Variants in STAG2 observed in about 807,000 individuals in gnomAD.
STAG2 encodes the protein cohesin subunit SA-2.
In STAG2, 14 loss-of-function variants were observed where a neutral mutation model predicts 108.1. That is an observed-to-expected ratio of 0.13 (90% confidence interval 0.09 to 0.20). The LOEUF (loss-of-function observed/expected upper bound fraction) is 0.20, where lower values mean the gene tolerates loss of function less well. Ranked by LOEUF, STAG2 falls within the 10% of genes least tolerant of loss-of-function variation. The pLI, the probability that STAG2 is intolerant of heterozygous loss-of-function variation, is 1.00. For missense variants in STAG2, 440 were observed against 940.9 expected (o/e 0.47, Z 6.96); for synonymous variants, 307 against 302.7 (o/e 1.01, Z -0.15).
intron 4 of STAG2, among the ~76,000 whole-genome samples, chrX:124,028,825 T>TA (rs2057209275): frequency 1.4e-5 from 1 of 71,862 alleles, no homozygotes; most frequent in African/African-American, 4.8e-5. Flanking sequence ...TATATATATT[T>TA]TTTTTTTTAT....
Position 123,971,541 on chromosome X carries a change from G to A in STAG2, c.-163+9685G>A, listed in dbSNP as rs5958363. Among the ~76,000 whole-genome samples the A allele has an allele frequency of 3.5e-3, 394 of 112,086 alleles. 1 individual carries two copies. Among genetic ancestry groups the A allele is most frequent in the African/African-American group, 0.012 (365 of 30,868 alleles). ...CTTTTACCCTTTTGGGGGAGTTTTT[G>A]TTGGTACATGGTCAATAGTAAAAAG... On this transcript the variant is annotated intron_variant, in intron 1 of 34. Transcript: ENST00000371145.
At chrX:123,973,058 A>G (rs1035234541) in intron 1 of STAG2, among the ~76,000 whole-genome samples, 5 of 107,442 alleles carry the variant, frequency 4.7e-5, no homozygotes, top group African/African-American at 1.7e-4. Flanking sequence ...CAAAAGAGAA[A>G]AAAAACAGTA....
intron 5 of STAG2, among the ~76,000 whole-genome samples, chrX:124,034,719 A>G (rs184452367): frequency 1.8e-5 from 2 of 110,862 alleles, no homozygotes; most frequent in African/African-American, 6.5e-5. Flanking sequence ...TTTCCTTTCC[A>G]ATGTGTTTTT....
At chrX:124,042,147 AGTG>A (rs1327340507) in intron 6 of STAG2, among the ~76,000 whole-genome samples, 1 of 111,405 alleles carries the variant, frequency 9.0e-6, no homozygotes, top group African/African-American at 3.3e-5. Flanking sequence ...ACTTGACTAA[AGTG>A]AACTCTAGCT....
intron 5 of STAG2, among the ~76,000 whole-genome samples, chrX:124,033,130 AGT>A (rs1366528839): frequency 2.7e-5 from 3 of 111,862 alleles, no homozygotes; most frequent in Non-Finnish European, 1.9e-5. Context: ...TCATGATTAG[AGT>A]GTGGATTCTT....
chrX:124,052,610 T>C (rs1470861600), intron 13 of STAG2, among the ~76,000 whole-genome samples: 1 of 111,618 alleles, frequency 9.0e-6, no homozygotes, highest in Non-Finnish European at 1.9e-5. Context: ...TTGTCAGTTA[T>C]TGTCAGTAAT....
At chrX:123,994,755 G>A (rs757406708) in intron 1 of STAG2, among the ~76,000 whole-genome samples, 6 of 111,855 alleles carry the variant, frequency 5.4e-5, no homozygotes, top group Admixed American at 9.5e-5. Context: ...AGTAAGACAA[G>A]TATATATTTA....
intron 5 of STAG2, among the ~76,000 whole-genome samples, chrX:124,036,553 T>A (rs1286248032): frequency 1.8e-5 from 2 of 110,103 alleles, no homozygotes; most frequent in Non-Finnish European, 3.8e-5. Flanking sequence ...CCCAGCTAAT[T>A]TTTGTATTTT....
At chrX:124,000,853 A>G (rs926008665) in intron 1 of STAG2, among the ~76,000 whole-genome samples, 1 of 111,345 alleles carries the variant, frequency 9.0e-6, no homozygotes, top group Non-Finnish European at 1.9e-5. Context: ...TCCTGACCCT[A>G]TGTAGGCCTA....
At chrX:124,034,780 C>T (rs2057454396) in intron 5 of STAG2, among the ~76,000 whole-genome samples, 1 of 111,229 alleles carries the variant, frequency 9.0e-6, no homozygotes, top group South Asian at 3.8e-4. Flanking sequence ...GACTTTGACT[C>T]TAGATTGCTA....
intron 1 of STAG2, among the ~76,000 whole-genome samples, chrX:124,007,611 G>A (rs2056353002): frequency 1.8e-5 from 2 of 111,724 alleles, no homozygotes; most frequent in Non-Finnish European, 3.8e-5. Flanking sequence ...TTCCTGTCTC[G>A]TATATTTCTT....
chrX:123,986,885 C>T (rs1429445491), intron 1 of STAG2, among the ~76,000 whole-genome samples: 7 of 110,163 alleles, frequency 6.4e-5, no homozygotes, highest in South Asian at 3.9e-4. Flanking sequence ...ACAGGGCCTG[C>T]GCAGTTTTCT....
At chrX:124,051,798 G>A (rs917271789) in intron 13 of STAG2, among the ~76,000 whole-genome samples, 2 of 110,991 alleles carry the variant, frequency 1.8e-5, no homozygotes, top group Non-Finnish European at 3.8e-5. Context: ...CACTGTGTTA[G>A]CCAGGATGGT....
intron 7 of STAG2, among the ~76,000 whole-genome samples, chrX:124,044,023 T>C (rs912641417): frequency 9.0e-6 from 1 of 111,574 alleles, no homozygotes; most frequent in African/African-American, 3.3e-5. Flanking sequence ...CTTTTTTTTC[T>C]TGCTTACTCT....
intron 5 of STAG2, among the ~76,000 whole-genome samples, chrX:124,035,190 T>A (rs1002528424): frequency 4.5e-5 from 5 of 111,578 alleles, no homozygotes; most frequent in Non-Finnish European, 9.4e-5. Context: ...TTGTTATGTT[T>A]TAAGAATGGA....
chrX:124,039,650 T>G (rs1380168431), intron 6 of STAG2, among the ~76,000 whole-genome samples: 2 of 107,509 alleles, frequency 1.9e-5, no homozygotes, highest in Non-Finnish European at 3.8e-5. Context: ...CTTTTTTTTT[T>G]TTTTTAATTT....
chrX:124,024,791 C>T (rs1355842307), intron 3 of STAG2, among the ~76,000 whole-genome samples: 1 of 111,517 alleles, frequency 9.0e-6, no homozygotes, highest in African/African-American at 3.3e-5. Flanking sequence ...CCTTTCACTT[C>T]GATTCCATTT....
intron 4 of STAG2, among the ~76,000 whole-genome samples, chrX:124,027,908 TTTG>T (rs1245891393): frequency 9.0e-6 from 1 of 111,224 alleles, no homozygotes; most frequent in Non-Finnish European, 1.9e-5. Flanking sequence ...TAATGCTTCC[TTTG>T]TTATTATCAC....
At chrX:124,058,591 T>C (rs1325754646) in intron 15 of STAG2, among the ~76,000 whole-genome samples, 1 of 112,705 alleles carries the variant, frequency 8.9e-6, no homozygotes, top group Non-Finnish European at 1.9e-5. Context: ...CTACTTATTC[T>C]TTCAAAGCCT....
Sources: allele counts gnomAD v4.1 joint callset (sites outside exome capture counted in the v4.1 genomes callset), GRCh38; gene constraint gnomAD v4.1.1; transcripts MANE v1.5; gene names NCBI Gene and HGNC (gene_info 2026-07-23, HGNC 2026-07-21).